CATSPER3: variants seen among roughly 807,000 people sequenced by gnomAD.
CATSPER3 encodes the protein cation channel sperm associated 3, also known as cation channel sperm-associated protein 3.
CATSPER3 carries 23 observed loss-of-function variants against 36.6 expected under a neutral mutation model. The ratio of observed to expected loss-of-function variants is 0.63; its 90% CI spans 0.45 to 0.89. The LOEUF (loss-of-function observed/expected upper bound fraction) is 0.89, where lower values mean the gene tolerates loss of function less well. Among genes scored for constraint, CATSPER3 ranks in the 40% least tolerant of loss-of-function variants. The pLI is 0.00. For synonymous variants in CATSPER3, 172 were observed against 184.1 expected, an observed-to-expected ratio of 0.93 and a Z score of 0.53; for missense variants, 474 against 503.9, an observed-to-expected ratio of 0.94 and a Z score of 0.57.
intron 2 of CATSPER3, among the ~76,000 whole-genome samples, chr5:134,979,530 T>A (rs1465966963): frequency 2.0e-5 from 3 of 152,188 alleles, no homozygotes; most frequent in Non-Finnish European, 4.4e-5. Context: ...TGGAATTTTC[T>A]CAAAGCAGAA....
Position 134,995,827 on chromosome 5 carries a change from A to C in CATSPER3, c.253-446A>C, listed in dbSNP as rs115211407. 6.8e-3 allele frequency: 1,628 copies of C among 241,014 alleles called. 25 individuals are homozygous for C. Among genetic ancestry groups the C allele is most frequent in the African/African-American group, 0.034 (1,544 of 45,708 alleles). The allele number at this position is 241,014 out of a possible 1,614,324, so 14.9% of individuals were successfully genotyped here. ...AGATTCGTTCATAAAGTGTAAAAGA[A>C]TATTCTTCAGAAACAGATTGAATAT... On this transcript the variant is annotated intron_variant, in intron 2 of 7. Transcript: ENST00000282611.
intron 3 of CATSPER3, among the ~76,000 whole-genome samples, chr5:135,006,762 C>T (rs903611018): frequency 1.2e-4 from 18 of 148,086 alleles, no homozygotes; most frequent in Admixed American, 1.1e-3. Context: ...GGCATGAACC[C>T]GGGAGGCAGA....
intron 3 of CATSPER3, among the ~76,000 whole-genome samples, chr5:135,001,174 C>T (rs970127776): frequency 7.9e-5 from 12 of 152,090 alleles, no homozygotes; most frequent in African/African-American, 1.9e-4. Flanking sequence ...GCATTCATTT[C>T]GTTATGTAGT....
At chr5:135,008,754 T>C in intron 4 of CATSPER3, 87 bp from the exon 5 acceptor site, 1 of 1,183,712 alleles carries the variant, frequency 8.4e-7, no homozygotes, top group Non-Finnish European at 1.3e-6. Flanking sequence ...TTCTCCTCAG[T>C]GGGCCTGGGA....
At position 134,999,550 on chromosome 5, in the gene CATSPER3, A is replaced by G. The variant is rs992861726; in HGVS notation, c.492+3038A>G. ...TTCTTCCTATCCATGAGCATGGAAC[A>G]TTCTTCCATTTGTTTGTATCCTCTT... On this transcript the variant is annotated intron_variant, in intron 3 of 7. Coordinates refer to ENST00000282611, the MANE Select transcript of CATSPER3 (RefSeq NM_178019.3). 4.6e-5 allele frequency among the ~76,000 whole-genome samples: 7 copies of G among 152,270 alleles called. No individual in the cohort carries two copies. The East Asian group carries it at 9.7e-4, about 21-fold the overall frequency.
At chr5:135,009,307 G>C in intron 5 of CATSPER3, 64 bp from the exon 6 acceptor site, 1 of 1,565,276 alleles carries the variant, frequency 6.4e-7, no homozygotes, top group South Asian at 1.1e-5. Context: ...CTGGGGAAGA[G>C]GAAAGACTGG....
Sources: gnomAD v4.1 joint callset for allele counts (sites outside exome capture counted in the v4.1 genomes callset) on GRCh38, gnomAD v4.1.1 for gene constraint, MANE v1.5 for transcripts, NCBI Gene and HGNC (gene_info 2026-07-23, HGNC 2026-07-21) for gene names.